The following ASTN2 variants were observed in gnomAD, a reference collection of about 807,000 sequenced individuals.
The protein encoded by ASTN2 is astrotactin-2.
A neutral mutation model predicts 139.8 loss-of-function variants in ASTN2; 54 were observed. The observed-to-expected ratio is 0.39, with a 90% CI of 0.31 to 0.48. ASTN2 has a LOEUF of 0.48. ASTN2 is among the 20% of genes least tolerant of loss of function. The pLI is 0.95. For synonymous variants in ASTN2, 756 were observed against 719.5 expected (o/e 1.05, Z -0.81); for missense variants, 1,565 against 1,725.1 (o/e 0.91, Z 1.64).
chr9:117,079,566 AAAGGTCAGGAACCTTCTC>A (rs1828370838), intron 5 of ASTN2, among the ~76,000 whole-genome samples: 1 of 152,234 alleles, frequency 6.6e-6, no homozygotes, highest in Non-Finnish European at 1.5e-5. Context: ...GGACAGAGAA[AAAGGTCAGGAACCTTCTC>A]ATGGTCTAGA....
In ASTN2 at chr9:116,425,802, T is replaced by C. The variant is rs1303343469; in HGVS notation, c.*49A>G. On this transcript the variant is annotated 3_prime_UTR_variant, in exon 23 of 23. Coordinates refer to ENST00000313400, the MANE Select transcript of ASTN2 (RefSeq NM_001365068.1). ...GCCCCAGGATCCAGGAGAATACTGC[T>C]CCCCCTCCCATGGAGAGTCTCTGTG... 1 of 1,609,144 alleles carries C rather than the reference T, an allele frequency of 6.2e-7. No individual in the cohort carries two copies.
intron 10 of ASTN2, among the ~76,000 whole-genome samples, chr9:116,885,369 C>T (rs1833568849): frequency 6.6e-6 from 1 of 152,056 alleles, no homozygotes; most frequent in African/African-American, 2.4e-5. Context: ...AAAAAAAGAC[C>T]TTATCTCAAC....
chr9:116,834,120 T>C (rs1381456592), intron 11 of ASTN2, among the ~76,000 whole-genome samples: 2 of 152,254 alleles, frequency 1.3e-5, no homozygotes, highest in Non-Finnish European at 2.9e-5. Flanking sequence ...TGCTCTGTTA[T>C]TGCTTTCTTG....
intron 10 of ASTN2, among the ~76,000 whole-genome samples, chr9:116,958,616 G>A (rs10983435): frequency 0.19 from 28,121 of 151,840 alleles, 3,097 homozygotes; most frequent in Admixed American, 0.3. Flanking sequence ...AAAAAGAGCC[G>A]ACATCTGGCC....
At chr9:116,997,848 A>G (rs10983450) in intron 7 of ASTN2, among the ~76,000 whole-genome samples, 23,299 of 152,130 alleles carry the variant, frequency 0.15, 2,219 homozygotes, top group African/African-American at 0.26. Context: ...TGTCACTTCA[A>G]TGTTCATGTA....
intron 16 of ASTN2, among the ~76,000 whole-genome samples, chr9:116,722,266 A>T (rs916263451): frequency 2.0e-5 from 3 of 150,834 alleles, no homozygotes; most frequent in African/African-American, 7.3e-5. Context: ...ACAAAAAAAA[A>T]TACAGAGAAA....
chr9:117,301,288 G>GT (rs1205880193), intron 1 of ASTN2, among the ~76,000 whole-genome samples: 1 of 152,110 alleles, frequency 6.6e-6, no homozygotes, highest in Non-Finnish European at 1.5e-5. Flanking sequence ...ATGTCAATGA[G>GT]TTTTTCTACT....
intron 20 of ASTN2, among the ~76,000 whole-genome samples, chr9:116,478,002 A>G (rs1325803251): frequency 6.6e-6 from 1 of 150,898 alleles, no homozygotes; most frequent in Non-Finnish European, 1.5e-5. Context: ...GCAGAGGGGG[A>G]AATAAAAGGC....
At chr9:117,351,355 A>G (rs902734001) in intron 1 of ASTN2, among the ~76,000 whole-genome samples, 32 of 152,182 alleles carry the variant, frequency 2.1e-4, no homozygotes, top group African/African-American at 7.7e-4. Flanking sequence ...TTCTTATTGC[A>G]TTTTACCACA....
intron 10 of ASTN2, among the ~76,000 whole-genome samples, chr9:116,920,392 A>T (rs1470163329): frequency 6.6e-6 from 1 of 152,198 alleles, no homozygotes; most frequent in East Asian, 1.9e-4. Flanking sequence ...CTTAAAGGGA[A>T]CAGCATGAAA....
intron 3 of ASTN2, among the ~76,000 whole-genome samples, chr9:117,147,233 T>G (rs2132871196): frequency 6.6e-6 from 1 of 152,186 alleles, no homozygotes; most frequent in African/African-American, 2.4e-5. Flanking sequence ...TAAACTGTCA[T>G]CCTCAAGACA....
Position 116,586,514 on chromosome 9 carries a change from G to A in ASTN2, c.3355+31810C>T, listed in dbSNP as rs377602903. Among the ~76,000 whole-genome samples, 51 of 152,218 alleles carry A rather than the reference G, an allele frequency of 3.4e-4. 1 individual carries two copies. In the East Asian group the frequency reaches 9.1e-3, roughly 27 times the overall value. ...CAGCATCATAGATGCAGCTGGAGGC[G>A]ATTATCCTAAGCAAATTAATGCAGG... On this transcript the variant is annotated intron_variant, in intron 19 of 22. Coordinates refer to ENST00000313400, the MANE Select transcript of ASTN2 (RefSeq NM_001365068.1).
chr9:117,090,043 AG>A (rs1353679173), intron 5 of ASTN2, among the ~76,000 whole-genome samples: 1 of 152,228 alleles, frequency 6.6e-6, no homozygotes, highest in East Asian at 1.9e-4. Context: ...CATACAGGTG[AG>A]GGTAACATAT....
intron 19 of ASTN2, among the ~76,000 whole-genome samples, chr9:116,552,357 T>C (rs965449629): frequency 3.9e-5 from 6 of 152,232 alleles, no homozygotes; most frequent in Non-Finnish European, 5.9e-5. Flanking sequence ...GTGTTTTTCA[T>C]ACTCTTTTAT....
intron 5 of ASTN2, among the ~76,000 whole-genome samples, chr9:117,073,708 G>A (rs1444374678): frequency 6.6e-6 from 1 of 152,072 alleles, no homozygotes; most frequent in East Asian, 1.9e-4. Flanking sequence ...AAATTATGTC[G>A]ACAACCACTG....
At chr9:116,785,995 A>T (rs140989393) in intron 13 of ASTN2, among the ~76,000 whole-genome samples, 1 of 152,234 alleles carries the variant, frequency 6.6e-6, no homozygotes, top group Non-Finnish European at 1.5e-5. Context: ...AATGGCCCAT[A>T]CTTCCCCAGT....
intron 4 of ASTN2, among the ~76,000 whole-genome samples, chr9:117,104,961 A>G (rs1234992687): frequency 6.6e-6 from 1 of 152,196 alleles, no homozygotes; most frequent in Non-Finnish European, 1.5e-5. Context: ...ATAACTACTT[A>G]CGAGGGAGAA....
rs148902237 is a variant in ASTN2 at position 116,796,751 on chromosome 9, T to C, written c.2396+8881A>G. Among the ~76,000 whole-genome samples the C allele has an allele frequency of 3.5e-4, 53 of 152,312 alleles. No individual in the cohort carries two copies. The East Asian group carries it at 0.01, about 29-fold the overall frequency. ...TAAGTTCTGGAGATCTATTACATAG[T>C]ATAGTCCCCATAGCTAACAATACTG... On this transcript the variant is annotated intron_variant, in intron 13 of 22. Coordinates refer to ENST00000313400, the MANE Select transcript of ASTN2 (RefSeq NM_001365068.1).
At chr9:116,590,017 C>G (rs1854314794) in intron 19 of ASTN2, among the ~76,000 whole-genome samples, 1 of 152,168 alleles carries the variant, frequency 6.6e-6, no homozygotes, top group Admixed American at 6.5e-5. Context: ...GAGGGGTAGC[C>G]TACTAATGGC....
Sources: gnomAD v4.1 joint callset for allele counts (sites outside exome capture counted in the v4.1 genomes callset) on GRCh38, gnomAD v4.1.1 for gene constraint, MANE v1.5 for transcripts, NCBI Gene and HGNC (gene_info 2026-07-23, HGNC 2026-07-21) for gene names.